SPATS2: variants seen among roughly 807,000 people sequenced by gnomAD.
The protein encoded by SPATS2 is spermatogenesis associated serine rich 2, also known as spermatogenesis-associated serine-rich protein 2.
In SPATS2, 38 loss-of-function variants were observed where a neutral mutation model predicts 63.7. The observed-to-expected ratio is 0.60, with a 90% CI of 0.46 to 0.78. The LOEUF is 0.78. Among genes scored for constraint, SPATS2 ranks in the 30% least tolerant of loss-of-function variants. SPATS2 has a pLI of 0.00. For synonymous variants in SPATS2, 207 were observed against 232.9 expected (o/e 0.89, Z 1.01); for missense variants, 588 against 666.2 (o/e 0.88, Z 1.29).
chr12:49,423,974 G>A (rs927859987), intron 2 of SPATS2, among the ~76,000 whole-genome samples: 4 of 152,106 alleles, frequency 2.6e-5, no homozygotes, highest in Non-Finnish European at 4.4e-5. Flanking sequence ...AGGCCAAGGC[G>A]GGCAAATCAC....
chr12:49,512,274 A>G (rs936747874), intron 9 of SPATS2, among the ~76,000 whole-genome samples: 2 of 152,200 alleles, frequency 1.3e-5, no homozygotes, highest in African/African-American at 2.4e-5. Flanking sequence ...AGGACTTTTC[A>G]CTAGATGTTA....
intron 2 of SPATS2, 137 bp from the exon 3 acceptor site, chr12:49,460,633 A>G (rs534726751): frequency 2.2e-5 from 4 of 183,268 alleles, no homozygotes; most frequent in African/African-American, 9.4e-5. Flanking sequence ...GCTTTTCAGC[A>G]GCTACATTGT....
chr12:49,474,371 G>A (rs1483699927), intron 3 of SPATS2, among the ~76,000 whole-genome samples: 1 of 152,230 alleles, frequency 6.6e-6, no homozygotes, highest in Non-Finnish European at 1.5e-5. Flanking sequence ...TGAGTGAAGA[G>A]TGACAGATTT....
At chr12:49,464,214 C>T (rs1945869070) in intron 3 of SPATS2, among the ~76,000 whole-genome samples, 1 of 150,110 alleles carries the variant, frequency 6.7e-6, no homozygotes, top group African/African-American at 2.5e-5. Flanking sequence ...TGTTTTAAAA[C>T]ACTTTCCGAC....
chr12:49,435,194 C>T (rs907450748), intron 2 of SPATS2, among the ~76,000 whole-genome samples: 23 of 151,938 alleles, frequency 1.5e-4, no homozygotes, highest in African/African-American at 5.1e-4. Flanking sequence ...CCATACCCGG[C>T]TAATTTTTTG....
At chr12:49,450,903 C>A (rs1592409256) in intron 2 of SPATS2, among the ~76,000 whole-genome samples, 2 of 150,402 alleles carry the variant, frequency 1.3e-5, no homozygotes, top group East Asian at 3.9e-4. Flanking sequence ...ATGTCTCACT[C>A]TGTTGCTCAG....
intron 2 of SPATS2, among the ~76,000 whole-genome samples, chr12:49,425,778 T>C (rs1945064545): frequency 6.6e-6 from 1 of 152,120 alleles, no homozygotes; most frequent in Non-Finnish European, 1.5e-5. Flanking sequence ...TACAGGCGCA[T>C]GCCACCATAC....
chr12:49,436,820 G>A (rs1481583635), intron 2 of SPATS2, among the ~76,000 whole-genome samples: 1 of 139,538 alleles, frequency 7.2e-6, no homozygotes, highest in African/African-American at 2.7e-5. Context: ...GGGCAGAGGC[G>A]CCCCTCACCT....
intron 2 of SPATS2, among the ~76,000 whole-genome samples, chr12:49,375,348 G>C (rs2137156109): frequency 6.6e-6 from 1 of 152,228 alleles, no homozygotes; most frequent in Admixed American, 6.5e-5. Flanking sequence ...ACTTCTTACT[G>C]ACCTGGATAG....
chr12:49,390,507 CAATTT>C (rs1351560420), intron 2 of SPATS2, among the ~76,000 whole-genome samples: 1 of 152,076 alleles, frequency 6.6e-6, no homozygotes, highest in Non-Finnish European at 1.5e-5. Flanking sequence ...AAAATTATAT[CAATTT>C]AAAAATATAA....
chr12:49,512,316 A>T (rs891019849), intron 9 of SPATS2, among the ~76,000 whole-genome samples: 2 of 152,254 alleles, frequency 1.3e-5, no homozygotes, highest in African/African-American at 4.8e-5. Context: ...AACAACAAAC[A>T]AAAAGAAACA....
chr12:49,519,559 G>A (rs978189727), intron 11 of SPATS2, among the ~76,000 whole-genome samples: 6 of 53,826 alleles, frequency 1.1e-4, no homozygotes, highest in Admixed American at 7.1e-4. Flanking sequence ...TGCCCCACCC[G>A]CCCCACCCTC....
intron 6 of SPATS2, among the ~76,000 whole-genome samples, chr12:49,492,704 G>A (rs996108069): frequency 1.2e-4 from 18 of 152,274 alleles, no homozygotes; most frequent in African/African-American, 4.1e-4. Flanking sequence ...TAACTGTTGG[G>A]ATTAGTCCAA....
chr12:49,396,267 T>C (rs897834629), intron 2 of SPATS2, among the ~76,000 whole-genome samples: 5 of 152,212 alleles, frequency 3.3e-5, no homozygotes, highest in South Asian at 2.1e-4. Context: ...AGAAGTGAGA[T>C]TAGTGGATCA....
rs35910147 is a variant in SPATS2, at chr12:49,387,638, C to CAA, written c.-244+16368_-244+16369dup. Among the ~76,000 whole-genome samples the CAA allele has an allele frequency of 5.9e-4, 39 of 66,110 alleles. 1 individual carries two copies. The highest frequency in any genetic ancestry group is 0.01 in the Middle Eastern group (1 of 100). The allele number at this position is 66,110 out of a possible 152,430, so 43.4% of individuals were successfully genotyped here. A position where few individuals can be genotyped will look rare whatever the true frequency, so the allele number is the denominator to read the frequency against. On this transcript the variant is annotated intron_variant, in intron 2 of 13. Coordinates refer to ENST00000552918, the MANE Select transcript of SPATS2 (RefSeq NM_023071.4). ...TGGGCAACAGAACTAGACTCTGTCT[C>CAA]AAAAAAAAAAAAAAAAAAAAAGAAT...
intron 3 of SPATS2, chr12:49,469,389 CAAAAAAA>C (rs779364300): frequency 2.6e-4 from 18 of 69,156 alleles, no homozygotes; most frequent in Non-Finnish European, 3.1e-4. Context: ...GACTCTGTCT[CAAAAAAA>C]AAAAAAAAAA....
chr12:49,483,323 C>T (rs952532924), intron 3 of SPATS2, among the ~76,000 whole-genome samples: 2 of 151,538 alleles, frequency 1.3e-5, no homozygotes, highest in African/African-American at 2.4e-5. Context: ...TTAAAACATT[C>T]GAGTTATATC....
At chr12:49,401,462 A>G (rs149772592) in intron 2 of SPATS2, among the ~76,000 whole-genome samples, 8 of 152,184 alleles carry the variant, frequency 5.3e-5, no homozygotes, top group African/African-American at 1.7e-4. Flanking sequence ...GTTTCAACAA[A>G]TATTTACTCA....
At chr12:49,392,628 G>A (rs917973977) in intron 2 of SPATS2, among the ~76,000 whole-genome samples, 14 of 151,896 alleles carry the variant, frequency 9.2e-5, no homozygotes, top group African/African-American at 3.4e-4. Flanking sequence ...CAGGAGAATT[G>A]TTTGAACCCG....
Sources: gnomAD v4.1 joint callset for allele counts (sites outside exome capture counted in the v4.1 genomes callset) on GRCh38, gnomAD v4.1.1 for gene constraint, MANE v1.5 for transcripts, NCBI Gene and HGNC (gene_info 2026-07-23, HGNC 2026-07-21) for gene names.